The following LGSN variants were observed in gnomAD, a reference collection of about 807,000 sequenced individuals.
LGSN encodes the protein lengsin.
In LGSN, 21 loss-of-function variants were observed where a neutral mutation model predicts 19.5. That is an observed-to-expected ratio of 1.07 (90% CI 0.76 to 1.55). The LOEUF (loss-of-function observed/expected upper bound fraction) is 1.55. LGSN is among the 40% of genes most tolerant of loss of function. The pLI is 0.00. For missense variants in LGSN, 673 were observed against 608.5 expected (o/e 1.11, Z -1.12); for synonymous variants, 257 against 215.6 (o/e 1.19, Z -1.68).
chr6:63,393,089 G>A, the LGSN span, among the ~76,000 whole-genome samples: 48 of 151,062 alleles, frequency 3.2e-4, no homozygotes, highest in South Asian at 6.3e-4. Context: ...GGGTTTCACC[G>A]CATTAGCCAG....
At chr6:63,377,248 T>C in the LGSN span, among the ~76,000 whole-genome samples, 1 of 152,206 alleles carries the variant, frequency 6.6e-6, no homozygotes, top group African/African-American at 2.4e-5. Flanking sequence ...GTATCCTTTA[T>C]GAATTATGGC....
At chr6:63,357,985 A>C in the LGSN span, among the ~76,000 whole-genome samples, 1 of 152,070 alleles carries the variant, frequency 6.6e-6, no homozygotes, top group Admixed American at 6.5e-5. Flanking sequence ...TTAAGTCTTT[A>C]ATCCATCTTG....
the LGSN span, among the ~76,000 whole-genome samples, chr6:63,356,529 C>A: frequency 2.6e-5 from 4 of 151,780 alleles, no homozygotes; most frequent in East Asian, 7.8e-4. Context: ...GCGACAAGAG[C>A]AAAACTCTGT....
chr6:63,333,860 G>A, the LGSN span, among the ~76,000 whole-genome samples: 1 of 152,092 alleles, frequency 6.6e-6, no homozygotes. Flanking sequence ...CACATCAACA[G>A]AATGAACAAA....
At chr6:63,457,650 G>A in the LGSN span, among the ~76,000 whole-genome samples, 1 of 152,240 alleles carries the variant, frequency 6.6e-6, no homozygotes, top group African/African-American at 2.4e-5. Flanking sequence ...GGCCGAGGCA[G>A]GCAGATTACT....
the LGSN span, among the ~76,000 whole-genome samples, chr6:63,491,929 T>A: frequency 6.6e-6 from 1 of 151,488 alleles, no homozygotes; most frequent in Non-Finnish European, 1.5e-5. Context: ...CTCGGGAGGC[T>A]GAGGCAGGAG....
chr6:63,461,458 A>G, the LGSN span, among the ~76,000 whole-genome samples: 2 of 152,186 alleles, frequency 1.3e-5, no homozygotes, highest in Non-Finnish European at 2.9e-5. Context: ...TTCTCCCTCA[A>G]ATACTGGCTG....
At position 63,278,780 on chromosome 6, in the gene LGSN, G is replaced by A. The variant is rs1342297152; in HGVS notation, c.*1241C>T. Reference sequence around the variant, plus strand: ...CCTGCTCAAAGGAAAAAAGAAGGGAGTAATTAGTGAAGGATAGACTGACTT... The same window carrying A: ...CCTGCTCAAAGGAAAAAAGAAGGGAATAATTAGTGAAGGATAGACTGACTT... On this transcript the variant is annotated 3_prime_UTR_variant, in exon 4 of 4. Transcript: ENST00000370657. 1 of 152,174 alleles carries A rather than the reference G, an allele frequency of 6.6e-6. No individual in the cohort carries two copies. The highest frequency in any genetic ancestry group is 1.5e-5 in the Non-Finnish European group (1 of 68,042). The allele number at this position is 152,174 out of a possible 1,614,324, so 9.4% of individuals were successfully genotyped here.
rs1767937418 is a variant in LGSN, at chr6:63,295,196, T to C, written c.31-151A>G. 6 of 659,052 alleles carry C rather than the reference T, an allele frequency of 9.1e-6. No individual in the cohort carries two copies. In the African/African-American group the frequency reaches 9.1e-5, roughly 10 times the overall value. 40.8% of individuals were successfully genotyped at this position (659,052 alleles called of 1,614,324 possible). On this transcript the variant is annotated intron_variant, in intron 1 of 3. Transcript: ENST00000370657. ...AAATTTTGTCACTTCCACACTCACC[T>C]GAATAACTCACAATTTAAAAGCCCA...
chr6:63,517,422 G>C, the LGSN span, among the ~76,000 whole-genome samples: 6 of 152,092 alleles, frequency 3.9e-5, no homozygotes, highest in Non-Finnish European at 8.8e-5. Flanking sequence ...TAGTCTGAAG[G>C]ACTCTGAATT....
the LGSN span, among the ~76,000 whole-genome samples, chr6:63,467,761 G>A: frequency 3.9e-5 from 6 of 152,010 alleles, no homozygotes; most frequent in African/African-American, 7.3e-5. Context: ...GCGTGATCTC[G>A]GCTCACTGCA....
the LGSN span, among the ~76,000 whole-genome samples, chr6:63,475,202 C>A: frequency 5.3e-5 from 8 of 151,482 alleles, no homozygotes; most frequent in Non-Finnish European, 1.0e-4. Context: ...ATTCATATAC[C>A]TCATCATATA....
chr6:63,280,072 C>T lies in LGSN; in HGVS notation c.1479G>A (p.Glu493=). The change falls in exon 4 of 4, where the codon GAG becomes GAA. Residue 493 remains glutamate, a synonymous_variant. Transcript: ENST00000370657. ...YFVAMKKYEL[E]NEEIAAERNK... is the part of the protein sequence containing the mutation. ...TTCTCTCTGCAGCTATTTCTTCATT[C>T]TCCAACTCATATTTCTTCATGGCAA... 1 of 1,613,116 alleles carries T rather than the reference C, an allele frequency of 6.2e-7. No individual in the cohort carries two copies.
chr6:63,499,850 A>G, the LGSN span, among the ~76,000 whole-genome samples: 45 of 152,190 alleles, frequency 3.0e-4, 1 homozygote, highest in African/African-American at 1.1e-3. Flanking sequence ...TTAGGTCTAT[A>G]TGTCCAATTT....
chr6:63,439,902 G>A, the LGSN span, among the ~76,000 whole-genome samples: 3 of 152,066 alleles, frequency 2.0e-5, no homozygotes, highest in African/African-American at 7.2e-5. Context: ...TGTTTCTATA[G>A]CCCTTCATTT....
intron 1 of LGSN, among the ~76,000 whole-genome samples, chr6:63,311,194 C>T (rs1420954361): frequency 6.6e-6 from 1 of 152,138 alleles, no homozygotes; most frequent in East Asian, 1.9e-4. Context: ...CTTGATCATA[C>T]CGGTTTAAAA....
At chr6:63,442,276 C>CA in the LGSN span, among the ~76,000 whole-genome samples, 1 of 152,174 alleles carries the variant, frequency 6.6e-6, no homozygotes, top group African/African-American at 2.4e-5. Context: ...AAAGAGTGAG[C>CA]AGCAGTAAGA....
chr6:63,519,212 C>T, the LGSN span, among the ~76,000 whole-genome samples: 4 of 151,752 alleles, frequency 2.6e-5, no homozygotes, highest in East Asian at 3.9e-4. Flanking sequence ...AAGGCTGTGG[C>T]GGGAGAATCA....
the LGSN span, among the ~76,000 whole-genome samples, chr6:63,355,255 TA>T: frequency 7.5e-4 from 114 of 151,480 alleles, no homozygotes; most frequent in East Asian, 3.5e-3. Context: ...TGTATCAATT[TA>T]AAAAAAAATG....
Sources: allele counts gnomAD v4.1 joint callset (sites outside exome capture counted in the v4.1 genomes callset), GRCh38; gene constraint gnomAD v4.1.1; transcripts MANE v1.5; gene names NCBI Gene and HGNC (gene_info 2026-07-23, HGNC 2026-07-21).